Variants in SLC16A2 observed in about 807,000 individuals in gnomAD.
SLC16A2 encodes the protein solute carrier family 16 member 2.
SLC16A2 carries 3 observed loss-of-function variants against 27.2 expected under a neutral mutation model. The observed-to-expected ratio is 0.11, with a 90% CI of 0.05 to 0.28. SLC16A2 has a LOEUF of 0.28. Ranked by LOEUF, SLC16A2 falls within the 10% of genes least tolerant of loss-of-function variation. SLC16A2 has a pLI of 1.00. For missense variants in SLC16A2, 295 were observed against 458.5 expected, an observed-to-expected ratio of 0.64 and a Z score of 3.26; for synonymous variants, 202 against 187.8, an observed-to-expected ratio of 1.08 and a Z score of -0.62.
intron 1 of SLC16A2, among the ~76,000 whole-genome samples, chrX:74,502,002 C>A (rs1377158761): frequency 9.0e-6 from 1 of 111,046 alleles, no homozygotes; most frequent in Non-Finnish European, 1.9e-5. Context: ...ATAAAAAAAA[C>A]CTTGTAGTCC....
chrX:74,422,388 C>T (rs1055888983), intron 1 of SLC16A2, among the ~76,000 whole-genome samples: 1 of 110,492 alleles, frequency 9.1e-6, no homozygotes, highest in African/African-American at 3.3e-5. Flanking sequence ...TTTAAGGTAC[C>T]TTTGCCCCTG....
At chrX:74,427,233 A>G (rs1244644962) in intron 1 of SLC16A2, among the ~76,000 whole-genome samples, 5 of 112,274 alleles carry the variant, frequency 4.5e-5, no homozygotes, top group Non-Finnish European at 9.4e-5. Flanking sequence ...ACTTCCAGCT[A>G]GCAGAGGAAA....
chrX:74,462,598 G>A (rs1049222397), intron 1 of SLC16A2, among the ~76,000 whole-genome samples: 2 of 101,630 alleles, frequency 2.0e-5, no homozygotes, highest in Admixed American at 2.2e-4. Flanking sequence ...GATTACAGGC[G>A]TGAGCCACTG....
intron 1 of SLC16A2, among the ~76,000 whole-genome samples, chrX:74,443,121 G>A (rs1292118338): frequency 9.0e-6 from 1 of 111,516 alleles, no homozygotes; most frequent in African/African-American, 3.3e-5. Context: ...ATCTCACTTA[G>A]GCCTCAAAAT....
intron 1 of SLC16A2, among the ~76,000 whole-genome samples, chrX:74,431,602 T>C (rs1928535498): frequency 8.9e-6 from 1 of 111,926 alleles, no homozygotes; most frequent in South Asian, 3.8e-4. Flanking sequence ...AACCTGTACA[T>C]GTACACCGGA....
At position 74,438,411 on chromosome X, in the gene SLC16A2, G is replaced by A. The variant is rs183080079; in HGVS notation, c.430+16344G>A. On this transcript the variant is annotated intron_variant, in intron 1 of 5. Coordinates refer to ENST00000587091, the MANE Select transcript of SLC16A2 (RefSeq NM_006517.5). The stretch of plus-strand genomic sequence containing the variant: ...TAGACTTGCACATGTGCTTATGCAC[G>A]TATAGCCAGATTGATATACCACCCA... Among the ~76,000 whole-genome samples the A allele has an allele frequency of 1.2e-4, 14 of 113,138 alleles. No individual in the cohort carries two copies. In the East Asian group the frequency reaches 1.7e-3, roughly 13 times the overall value.
Position 74,524,608 on chromosome X carries a change from G to A in SLC16A2, c.825G>A (p.Leu275=), listed in dbSNP as rs770514230. 16 of 1,211,428 alleles carry A rather than the reference G, an allele frequency of 1.3e-5. No individual in the cohort carries two copies. In the South Asian group the frequency reaches 2.8e-4, roughly 21 times the overall value. ...GTACCTTCATGTTTGTTCTTATGCT[G>A]CTTTCACTCACCTACCGGCCCCTCC... ...VLSTFMFVLM[L]LSLTYRPLLP... Residue 275 remains leucine (L), a synonymous_variant, in exon 3 of 6, where the codon CTG becomes CTA. Coordinates refer to ENST00000587091, the MANE Select transcript of SLC16A2 (RefSeq NM_006517.5).
chrX:74,473,327 C>T (rs1350244491), intron 1 of SLC16A2: 64 of 548,135 alleles, frequency 1.2e-4, no homozygotes, highest in Non-Finnish European at 1.7e-4. Context: ...CGACCACCAC[C>T]TCCATGACCA....
At chrX:74,444,459 T>A (rs1403931904) in intron 1 of SLC16A2, among the ~76,000 whole-genome samples, 2 of 110,642 alleles carry the variant, frequency 1.8e-5, no homozygotes, top group Admixed American at 1.9e-4. Context: ...CCTTGTTATT[T>A]GTTACAGGGG....
At chrX:74,457,765 T>C (rs775182786) in intron 1 of SLC16A2, among the ~76,000 whole-genome samples, 1 of 110,464 alleles carries the variant, frequency 9.1e-6, no homozygotes, top group East Asian at 2.9e-4. Flanking sequence ...CTCCATTCCA[T>C]CTACTTGCCA....
chrX:74,519,224 C>T (rs932052361), intron 1 of SLC16A2, among the ~76,000 whole-genome samples: 8 of 108,277 alleles, frequency 7.4e-5, no homozygotes, highest in Non-Finnish European at 1.9e-5. Context: ...GTCACCCAGC[C>T]TGGAGCGCAG....
intron 1 of SLC16A2, among the ~76,000 whole-genome samples, chrX:74,427,761 C>T (rs1004145561): frequency 1.8e-5 from 2 of 110,008 alleles, no homozygotes; most frequent in Admixed American, 1.9e-4. Flanking sequence ...AGGCTTTGTT[C>T]TACACATATA....
chrX:74,422,729 G>GT (rs749329420), intron 1 of SLC16A2, among the ~76,000 whole-genome samples: 59 of 112,159 alleles, frequency 5.3e-4, no homozygotes, highest in African/African-American at 1.9e-3. Flanking sequence ...GTCCTCTGCC[G>GT]CCCCGCGGGA....
At chrX:74,518,239 G>A (rs971045239) in intron 1 of SLC16A2, among the ~76,000 whole-genome samples, 1 of 112,294 alleles carries the variant, frequency 8.9e-6, no homozygotes, top group Non-Finnish European at 1.9e-5. Flanking sequence ...ATTGCCACCA[G>A]CAGCGTATTA....
chrX:74,431,676 A>T (rs935733607), intron 1 of SLC16A2, among the ~76,000 whole-genome samples: 1 of 112,531 alleles, frequency 8.9e-6, no homozygotes, highest in African/African-American at 3.2e-5. Flanking sequence ...AATAAGTCAC[A>T]TAACTTTCTG....
chrX:74,477,053 G>T (rs1457236055), intron 1 of SLC16A2: 1 of 112,107 alleles, frequency 8.9e-6, no homozygotes, highest in Admixed American at 9.5e-5. Context: ...AGAAGGAATG[G>T]TACCAGCTCC....
chrX:74,530,522 T>C (rs1240529637), intron 5 of SLC16A2, among the ~76,000 whole-genome samples: 1 of 112,186 alleles, frequency 8.9e-6, no homozygotes. Flanking sequence ...CAAGGTGATA[T>C]GAGGGCACTG....
intron 1 of SLC16A2, among the ~76,000 whole-genome samples, chrX:74,449,640 T>A (rs1259998804): frequency 9.0e-6 from 1 of 111,559 alleles, no homozygotes; most frequent in Admixed American, 9.5e-5. Flanking sequence ...ACTCTGTTTT[T>A]CAGGGTCTCC....
chrX:74,499,973 T>C (rs1311637740), intron 1 of SLC16A2, among the ~76,000 whole-genome samples: 1 of 111,004 alleles, frequency 9.0e-6, no homozygotes, highest in Non-Finnish European at 1.9e-5. Flanking sequence ...ATCTTACATA[T>C]TCAGTAGGTT....
Sources: gnomAD v4.1 joint callset for allele counts (sites outside exome capture counted in the v4.1 genomes callset) on GRCh38, gnomAD v4.1.1 for gene constraint, MANE v1.5 for transcripts, NCBI Gene and HGNC (gene_info 2026-07-23, HGNC 2026-07-21) for gene names.